DYNC1I1: variants seen among roughly 807,000 people sequenced by gnomAD.
The protein encoded by DYNC1I1 is cytoplasmic dynein 1 intermediate chain 1.
In DYNC1I1, 43 loss-of-function variants were observed where a neutral mutation model predicts 86.6. That is an observed-to-expected ratio of 0.50 (90% CI 0.39 to 0.64). The LOEUF (loss-of-function observed/expected upper bound fraction) is 0.64, where lower values mean the gene tolerates loss of function less well. Among genes scored for constraint, DYNC1I1 ranks in the 30% least tolerant of loss-of-function variants. The pLI is 0.00. For missense variants in DYNC1I1, 604 were observed against 788.8 expected, an observed-to-expected ratio of 0.77 and a Z score of 2.81; for synonymous variants, 262 against 283.7, an observed-to-expected ratio of 0.92 and a Z score of 0.77.
intron 1 of DYNC1I1, among the ~76,000 whole-genome samples, chr7:95,773,547 G>A (rs931125850): frequency 3.3e-5 from 5 of 152,038 alleles, no homozygotes; most frequent in African/African-American, 1.2e-4. Context: ...CAGAAGCCCA[G>A]GATCAGGACA....
At chr7:95,813,105 TTTC>T in intron 3 of DYNC1I1, 139 bp from the exon 4 acceptor site, 1 of 1,415,398 alleles carries the variant, frequency 7.1e-7, no homozygotes, top group Non-Finnish European at 9.3e-7. Context: ...TTTTTTTTTT[TTTC>T]TTTATCCCAT....
chr7:95,998,345 A>G (rs948861462), intron 10 of DYNC1I1, among the ~76,000 whole-genome samples: 1 of 152,232 alleles, frequency 6.6e-6, no homozygotes, highest in Admixed American at 6.5e-5. Flanking sequence ...CATTCAAGGT[A>G]TATTTTTGGC....
intron 5 of DYNC1I1, among the ~76,000 whole-genome samples, chr7:95,849,827 A>G (rs1789530434): frequency 6.6e-6 from 1 of 152,168 alleles, no homozygotes; most frequent in African/African-American, 2.4e-5. Flanking sequence ...CATTTTGACA[A>G]TATTAATTCT....
At chr7:95,953,428 G>C (rs1414958849) in intron 6 of DYNC1I1, among the ~76,000 whole-genome samples, 1 of 152,076 alleles carries the variant, frequency 6.6e-6, no homozygotes, top group Non-Finnish European at 1.5e-5. Flanking sequence ...GAGAGAGAGA[G>C]AGAAAGAAAA....
intron 12 of DYNC1I1, among the ~76,000 whole-genome samples, chr7:96,034,976 C>CT (rs1284925318): frequency 6.6e-6 from 1 of 152,138 alleles, no homozygotes; most frequent in Non-Finnish European, 1.5e-5. Context: ...AGCAGTATAT[C>CT]TTTTAAGATT....
chr7:96,090,057 A>T (rs2116310061), intron 16 of DYNC1I1, among the ~76,000 whole-genome samples: 1 of 152,284 alleles, frequency 6.6e-6, no homozygotes, highest in South Asian at 2.1e-4. Context: ...ATTGCCCATC[A>T]ACCAGCGTTT....
chr7:96,083,494 C>T (rs42077), intron 16 of DYNC1I1, among the ~76,000 whole-genome samples: 133,675 of 151,876 alleles, frequency 0.88, 59,018 homozygotes, highest in East Asian at 0.98. Context: ...GCTGCCATTA[C>T]TGTGATTACT....
chr7:95,863,784 C>A (rs1789950905), intron 5 of DYNC1I1, among the ~76,000 whole-genome samples: 1 of 152,084 alleles, frequency 6.6e-6, no homozygotes, highest in Non-Finnish European at 1.5e-5. Context: ...GCTAACGATC[C>A]ATTGTTTATG....
intron 10 of DYNC1I1, among the ~76,000 whole-genome samples, chr7:96,015,743 A>G (rs796897328): frequency 6.6e-6 from 1 of 152,108 alleles, no homozygotes; most frequent in Admixed American, 6.6e-5. Context: ...AGCCATTCTC[A>G]GTCTATGGGT....
chr7:95,823,842 C>T (rs1795135511), intron 4 of DYNC1I1, among the ~76,000 whole-genome samples: 1 of 150,882 alleles, frequency 6.6e-6, no homozygotes, highest in African/African-American at 2.5e-5. Context: ...CACCTAAGTC[C>T]AATAAACTAA....
intron 5 of DYNC1I1, among the ~76,000 whole-genome samples, chr7:95,863,792 A>G (rs1333727946): frequency 6.6e-6 from 1 of 152,208 alleles, no homozygotes; most frequent in African/African-American, 2.4e-5. Context: ...TCCATTGTTT[A>G]TGGTCCTGAA....
chr7:95,881,863 T>G (rs1790463408), intron 6 of DYNC1I1, among the ~76,000 whole-genome samples: 1 of 152,214 alleles, frequency 6.6e-6, no homozygotes, highest in African/African-American at 2.4e-5. Context: ...CTCTGGATAA[T>G]ATTAGTTCCA....
At chr7:95,836,799 G>T (rs920529397) in intron 5 of DYNC1I1, among the ~76,000 whole-genome samples, 1 of 152,138 alleles carries the variant, frequency 6.6e-6, no homozygotes, top group African/African-American at 2.4e-5. Context: ...TAGTTCTTGA[G>T]TCTTGGTTTT....
intron 1 of DYNC1I1, among the ~76,000 whole-genome samples, chr7:95,788,583 C>T (rs111446414): frequency 1.4e-3 from 220 of 152,208 alleles, no homozygotes; most frequent in African/African-American, 5.0e-3. Flanking sequence ...TTGGTCAGGG[C>T]GATGTCAGTT....
rs1262016385 is a variant in DYNC1I1, at chr7:95,996,208, C to A, written c.969+135C>A. On this transcript the variant is annotated intron_variant, in intron 10 of 16. Transcript: ENST00000447467. ...AATTGTTGACAATTTTGGAAAATTC[C>A]CCCACAGTAACCTAATGTTTTGGGA... 4 of 1,333,942 alleles carry A rather than the reference C, an allele frequency of 3.0e-6. No individual in the cohort carries two copies. The South Asian group carries it at 4.3e-5, about 14-fold the overall frequency. 82.6% of individuals were successfully genotyped at this position (1,333,942 alleles called of 1,614,324 possible).
At chr7:95,801,336 A>G (rs528121894) in intron 1 of DYNC1I1, among the ~76,000 whole-genome samples, 1 of 152,332 alleles carries the variant, frequency 6.6e-6, no homozygotes, top group East Asian at 1.9e-4. Flanking sequence ...AGACATATTT[A>G]TTATTTGCAA....
At chr7:95,964,309 C>T (rs1423116992) in intron 6 of DYNC1I1, among the ~76,000 whole-genome samples, 1 of 152,162 alleles carries the variant, frequency 6.6e-6, no homozygotes, top group African/African-American at 2.4e-5. Flanking sequence ...ATTCCCACTT[C>T]AAAGAACCAG....
intron 4 of DYNC1I1, among the ~76,000 whole-genome samples, chr7:95,825,272 T>C (rs189544765): frequency 1.7e-3 from 252 of 152,328 alleles, no homozygotes; most frequent in African/African-American, 5.7e-3. Context: ...TCAGGTGATC[T>C]GTCCAATAAG....
intron 6 of DYNC1I1, among the ~76,000 whole-genome samples, chr7:95,910,697 G>T (rs904258111): frequency 6.6e-6 from 1 of 152,194 alleles, no homozygotes; most frequent in Non-Finnish European, 1.5e-5. Context: ...GACATTTATA[G>T]GTTACAGACT....
Sources: allele counts gnomAD v4.1 joint callset (sites outside exome capture counted in the v4.1 genomes callset), GRCh38; gene constraint gnomAD v4.1.1; transcripts MANE v1.5; gene names NCBI Gene and HGNC (gene_info 2026-07-23, HGNC 2026-07-21).